ISM1: variants seen among roughly 807,000 people sequenced by gnomAD.
ISM1 encodes the protein isthmin-1.
A neutral mutation model predicts 46.3 loss-of-function variants in ISM1; 25 were observed. The ratio of observed to expected loss-of-function variants is 0.54; its 90% CI spans 0.39 to 0.75. The LOEUF is 0.75. Among genes scored for constraint, ISM1 ranks in the 30% least tolerant of loss-of-function variants. The pLI is 0.00. For missense variants in ISM1, 536 were observed against 625.4 expected, an observed-to-expected ratio of 0.86 and a Z score of 1.52; for synonymous variants, 255 against 256.7, an observed-to-expected ratio of 0.99 and a Z score of 0.06.
chr20:13,231,066 T>C (rs1165219579), intron 1 of ISM1, among the ~76,000 whole-genome samples: 1 of 152,142 alleles, frequency 6.6e-6, no homozygotes, highest in Admixed American at 6.5e-5. Flanking sequence ...TGGGGTCATC[T>C]CTCAAATAAA....
intron 3 of ISM1, 65 bp from the exon 4 acceptor site, chr20:13,288,475 C>T (rs2040316772): frequency 2.0e-6 from 3 of 1,537,382 alleles, no homozygotes; most frequent in Non-Finnish European, 2.7e-6. Context: ...TGACAGGCTG[C>T]TTGATGGGGA....
At chr20:13,270,464 G>T (rs952463866) in intron 1 of ISM1, 40 bp from the exon 2 acceptor site, 5 of 1,572,810 alleles carry the variant, frequency 3.2e-6, no homozygotes, top group Non-Finnish European at 4.3e-6. Flanking sequence ...TTTTAATCAT[G>T]TGTCTCCTTA....
the ISM1 span, among the ~76,000 whole-genome samples, chr20:13,310,937 T>C: frequency 3.3e-5 from 5 of 152,322 alleles, no homozygotes; most frequent in South Asian, 1.0e-3. Context: ...CTCACGCCTG[T>C]AATCCCAGCA....
intron 4 of ISM1, among the ~76,000 whole-genome samples, chr20:13,289,205 T>C (rs1235003626): frequency 6.6e-6 from 1 of 152,216 alleles, no homozygotes; most frequent in Non-Finnish European, 1.5e-5. Flanking sequence ...CGCATTGTAC[T>C]TATTTAATTT....
Position 13,233,024 on chromosome 20 carries a change from C to CAA in ISM1, c.138+11121_138+11122dup, listed in dbSNP as rs35520629. On this transcript the variant is annotated intron_variant, in intron 1 of 5. Coordinates refer to ENST00000262487, the MANE Select transcript of ISM1 (RefSeq NM_080826.2). ...GTGAAAAGAAAATTCGATGCTGGACCAAAAAAAAAAAAGAAAACAGGCCGG... is the reference window on the plus strand; with the variant it reads ...GTGAAAAGAAAATTCGATGCTGGACCAAAAAAAAAAAAAAGAAAACAGGCCGG... Among the ~76,000 whole-genome samples, 589 of 142,266 alleles carry CAA rather than the reference C, an allele frequency of 4.1e-3. 2 individuals carry two copies. The highest frequency in any genetic ancestry group is 0.012 in the African/African-American group (478 of 38,852). 93.3% of individuals were successfully genotyped at this position (142,266 alleles called of 152,430 possible). A position where few individuals can be genotyped will look rare whatever the true frequency, so the allele number is the denominator to read the frequency against.
At chr20:13,242,121 C>A (rs1337700636) in intron 1 of ISM1, among the ~76,000 whole-genome samples, 1 of 151,988 alleles carries the variant, frequency 6.6e-6, no homozygotes, top group African/African-American at 2.4e-5. Flanking sequence ...GGTTTACTGA[C>A]AAAAGGTCTA....
At chr20:13,268,168 C>T (rs199958159) in intron 1 of ISM1, among the ~76,000 whole-genome samples, 1,847 of 76,370 alleles carry the variant, frequency 0.024, 37 homozygotes, top group African/African-American at 0.082. Flanking sequence ...TCCCTTCTCT[C>T]CTCTCCTCTC....
chr20:13,234,324 A>G (rs895306499), intron 1 of ISM1, among the ~76,000 whole-genome samples: 1 of 152,186 alleles, frequency 6.6e-6, no homozygotes, highest in African/African-American at 2.4e-5. Flanking sequence ...GTAGTATTCC[A>G]TGGTATATTT....
chr20:13,229,152 T>TC (rs1568661440), intron 1 of ISM1, among the ~76,000 whole-genome samples: 6 of 114,324 alleles, frequency 5.2e-5, no homozygotes, highest in Non-Finnish European at 9.5e-5. Flanking sequence ...CTCTCTCTCT[T>TC]TCTGCATTTT....
chr20:13,229,561 C>A (rs2039565700), intron 1 of ISM1, among the ~76,000 whole-genome samples: 1 of 152,134 alleles, frequency 6.6e-6, no homozygotes, highest in Admixed American at 6.5e-5. Context: ...ATTTGTATAT[C>A]CCCATCAATG....
At chr20:13,277,959 T>C (rs2327770) in intron 2 of ISM1, among the ~76,000 whole-genome samples, 43,118 of 151,942 alleles carry the variant, frequency 0.28, 8,151 homozygotes, top group African/African-American at 0.51. Context: ...AAGGAAGGGG[T>C]TATTTGTCTC....
intron 1 of ISM1, among the ~76,000 whole-genome samples, chr20:13,269,050 A>G (rs1420831382): frequency 6.6e-6 from 1 of 152,228 alleles, no homozygotes; most frequent in Admixed American, 6.5e-5. Context: ...GAGTGTTTTT[A>G]TACCAGATGT....
At chr20:13,260,207 G>A (rs942230062) in intron 1 of ISM1, among the ~76,000 whole-genome samples, 2 of 152,318 alleles carry the variant, frequency 1.3e-5, no homozygotes, top group Non-Finnish European at 1.5e-5. Flanking sequence ...CTGGCCATAT[G>A]TGGCCTATGA....
intron 2 of ISM1, among the ~76,000 whole-genome samples, chr20:13,273,114 A>G (rs1425376532): frequency 6.6e-6 from 1 of 152,036 alleles, no homozygotes; most frequent in African/African-American, 2.4e-5. Context: ...TTGTGCTTGA[A>G]CCCAATTTCA....
intron 3 of ISM1, among the ~76,000 whole-genome samples, chr20:13,283,555 C>A (rs1368901092): frequency 6.6e-6 from 1 of 152,118 alleles, no homozygotes; most frequent in East Asian, 1.9e-4. Flanking sequence ...AGAAGACAGA[C>A]CCCACTTGTG....
chr20:13,315,321 C>T, the ISM1 span, among the ~76,000 whole-genome samples: 1 of 151,902 alleles, frequency 6.6e-6, no homozygotes, highest in African/African-American at 2.4e-5. Context: ...AAATATAAGG[C>T]CACGTAGAAA....
At chr20:13,248,231 AT>A (rs1310386837) in intron 1 of ISM1, among the ~76,000 whole-genome samples, 1 of 152,156 alleles carries the variant, frequency 6.6e-6, no homozygotes, top group Non-Finnish European at 1.5e-5. Flanking sequence ...ATTCTTCTTT[AT>A]GAACATTTCT....
intron 1 of ISM1, among the ~76,000 whole-genome samples, chr20:13,267,508 G>C (rs535041317): frequency 6.6e-6 from 1 of 152,128 alleles, no homozygotes; most frequent in Admixed American, 6.5e-5. Flanking sequence ...CTAATCCTGC[G>C]GGGAGGGTAC....
At position 13,221,628 on chromosome 20, in the gene ISM1, G is replaced by T. The variant is rs902319089; in HGVS notation, c.-149G>T. 12 of 525,222 alleles carry T rather than the reference G, an allele frequency of 2.3e-5. No homozygotes were observed. The highest frequency in any genetic ancestry group is 5.6e-5 in the Admixed American group (1 of 17,856). 32.5% of individuals were successfully genotyped at this position (525,222 alleles called of 1,614,324 possible). A position where few individuals can be genotyped will look rare whatever the true frequency, so the allele number is the denominator to read the frequency against. On this transcript the variant is annotated 5_prime_UTR_variant, in exon 1 of 6. Transcript: ENST00000262487. ...GCACACCCCGCCGCGCCCAGCGCCA[G>T]CCCCGCGGGCCCGGGAAGCGGAGCC...
Sources: allele counts gnomAD v4.1 joint callset (sites outside exome capture counted in the v4.1 genomes callset), GRCh38; gene constraint gnomAD v4.1.1; transcripts MANE v1.5; gene names NCBI Gene and HGNC (gene_info 2026-07-23, HGNC 2026-07-21).